MORC1: variants seen among roughly 807,000 people sequenced by gnomAD.
MORC1 encodes the protein MORC family CW-type zinc finger 1, also known as MORC family CW-type zinc finger protein 1.
MORC1 carries 59 observed loss-of-function variants against 134.9 expected under a neutral mutation model. The ratio of observed to expected loss-of-function variants is 0.44; its 90% confidence interval spans 0.35 to 0.54. The LOEUF is 0.54. Among genes scored for constraint, MORC1 ranks in the 20% least tolerant of loss-of-function variants. The pLI is 0.00. For synonymous variants in MORC1, 395 were observed against 391.7 expected, an observed-to-expected ratio of 1.01 and a Z score of -0.10; for missense variants, 947 against 1,134.5, an observed-to-expected ratio of 0.83 and a Z score of 2.37.
intron 26 of MORC1, among the ~76,000 whole-genome samples, chr3:108,967,551 A>G (rs1028968869): frequency 1.3e-5 from 2 of 152,172 alleles, no homozygotes; most frequent in Admixed American, 1.3e-4. Flanking sequence ...TCTCCTCAAT[A>G]TATGTCTCAT....
intron 20 of MORC1, among the ~76,000 whole-genome samples, chr3:109,001,254 T>C (rs1948398052): frequency 6.6e-6 from 1 of 152,168 alleles, no homozygotes; most frequent in Non-Finnish European, 1.5e-5. Flanking sequence ...TACCTCAGTC[T>C]CTAGAACAGC....
chr3:108,990,932 T>C (rs1268560625), intron 21 of MORC1, among the ~76,000 whole-genome samples: 1 of 150,038 alleles, frequency 6.7e-6, no homozygotes. Context: ...CTCTCTCAAC[T>C]GTATTATTTT....
chr3:109,016,684 G>A lies in MORC1; in HGVS notation c.1705-9593C>T, dbSNP rs542841989. The stretch of plus-strand genomic sequence containing the variant: ...TCAAGACCAGCCTGATCAACATGGT[G>A]AAACCCTGTCTCTACTAAAAAATAC... On this transcript the variant is annotated intron_variant, in intron 17 of 27. Coordinates refer to ENST00000232603, the MANE Select transcript of MORC1 (RefSeq NM_014429.4). 4.6e-5 allele frequency among the ~76,000 whole-genome samples: 7 copies of A among 152,198 alleles called. No homozygotes were observed. The East Asian group carries it at 1.2e-3, about 25-fold the overall frequency.
chr3:109,032,290 CT>C (rs1949258482), intron 16 of MORC1, among the ~76,000 whole-genome samples: 1 of 152,120 alleles, frequency 6.6e-6, no homozygotes, highest in Non-Finnish European at 1.5e-5. Flanking sequence ...TTAGTCTGAA[CT>C]TTTTCCTCCA....
chr3:109,041,517 G>A (rs1949547415), intron 14 of MORC1, among the ~76,000 whole-genome samples: 1 of 151,874 alleles, frequency 6.6e-6, no homozygotes, highest in African/African-American at 2.4e-5. Context: ...TTCAAGACCA[G>A]CCTGGCCAAC....
intron 14 of MORC1, among the ~76,000 whole-genome samples, chr3:109,049,736 G>A (rs2107656461): frequency 6.6e-6 from 1 of 152,222 alleles, no homozygotes; most frequent in East Asian, 1.9e-4. Context: ...GACACTGAGG[G>A]TCAATAATGT....
chr3:109,081,358 T>C (rs2107733915), intron 8 of MORC1, among the ~76,000 whole-genome samples: 1 of 151,566 alleles, frequency 6.6e-6, no homozygotes, highest in Middle Eastern at 3.5e-3. Flanking sequence ...CCAAAATTAA[T>C]ACCAGCAATA....
At position 109,093,512 on chromosome 3, in the gene MORC1, G is replaced by A. The variant is rs753089625; in HGVS notation, c.613C>T (p.Leu205Phe). 1 of 1,613,620 alleles carries A rather than the reference G, an allele frequency of 6.2e-7. No individual in the cohort carries two copies. The highest frequency in any genetic ancestry group is 1.3e-5 in the African/African-American group (1 of 75,012). ...AACTCTGGTTCTCCATTAAGCAGAA[G>A]CTTCAAGTTATAAATAACCAGCAAA... ...GTLLVIYNLK[L>F]LLNGEPELDV... is the part of the protein sequence containing the mutation. The change falls in exon 8 of 28, where the codon CTT becomes TTT. Residue 205 changes from leucine to phenylalanine, a missense_variant. Leu to Phe is a conservative substitution (Grantham distance 22). Around this residue, in one of 3 missense-constraint regions of MORC1, gnomAD observed 214 missense variants for 281.3 expected, o/e 0.76. Coordinates refer to ENST00000232603, the MANE Select transcript of MORC1 (RefSeq NM_014429.4).
rs183057221 is a variant in MORC1 at position 109,077,106 on chromosome 3, A to G, written c.690-7349T>C. ...CAACATGTATTCAAGAAGTCAAAGA[A>G]GCAAATAGTTCTAAGGGAAACTATT... is the stretch of plus-strand genomic sequence containing the variant. On this transcript the variant is annotated intron_variant, in intron 8 of 27. Coordinates refer to ENST00000232603, the MANE Select transcript of MORC1 (RefSeq NM_014429.4). Among the ~76,000 whole-genome samples, 413 of 152,340 alleles carry G rather than the reference A, an allele frequency of 2.7e-3. 1 individual carries two copies. Among genetic ancestry groups the G allele is most frequent in the African/African-American group, 9.4e-3 (390 of 41,576 alleles).
At chr3:109,046,187 T>C (rs1559917586) in intron 14 of MORC1, among the ~76,000 whole-genome samples, 1 of 152,204 alleles carries the variant, frequency 6.6e-6, no homozygotes, top group Non-Finnish European at 1.5e-5. Context: ...CTCCCTGGTA[T>C]ACTCTGAGAT....
At chr3:108,991,333 TGGAGGTG>T (rs1391556765) in intron 21 of MORC1, among the ~76,000 whole-genome samples, 6 of 152,294 alleles carry the variant, frequency 3.9e-5, no homozygotes, top group Admixed American at 1.3e-4. Context: ...GTGGTAGCTA[TGGAGGTG>T]GTAGAATATG....
chr3:109,021,932 C>T (rs1289988489), intron 17 of MORC1, among the ~76,000 whole-genome samples: 1 of 152,186 alleles, frequency 6.6e-6, no homozygotes, highest in Non-Finnish European at 1.5e-5. Flanking sequence ...AGGACTTGTA[C>T]ACTAGTTAAT....
intron 2 of MORC1, among the ~76,000 whole-genome samples, chr3:109,113,723 A>G (rs1303235471): frequency 1.3e-5 from 2 of 152,202 alleles, no homozygotes; most frequent in African/African-American, 2.4e-5. Context: ...ACTACTGAGC[A>G]GAACTTAAAC....
chr3:109,007,941 ATGTGTGTGTG>A (rs113629397), intron 17 of MORC1, among the ~76,000 whole-genome samples: 1 of 149,512 alleles, frequency 6.7e-6, no homozygotes, highest in Non-Finnish European at 1.5e-5. Flanking sequence ...GCACATATAT[ATGTGTGTGTG>A]TGTGTGTGTG....
chr3:109,117,331 C>CAAAAAAAAAAA (rs202128565), intron 1 of MORC1, among the ~76,000 whole-genome samples: 17 of 113,590 alleles, frequency 1.5e-4, no homozygotes, highest in African/African-American at 2.0e-4. Context: ...CAAAAGATGT[C>CAAAAAAAAAAA]AAAAAAAAAA....
intron 16 of MORC1, among the ~76,000 whole-genome samples, chr3:109,032,075 A>G (rs938049754): frequency 1.3e-5 from 2 of 152,094 alleles, no homozygotes; most frequent in African/African-American, 4.8e-5. Flanking sequence ...AGGAGTTATT[A>G]CCCTAATGTC....
chr3:108,988,120 T>A (rs934953910), intron 21 of MORC1, among the ~76,000 whole-genome samples: 1 of 152,044 alleles, frequency 6.6e-6, no homozygotes, highest in Non-Finnish European at 1.5e-5. Flanking sequence ...CTCTTTTTTT[T>A]CCCCTCCCAG....
chr3:109,004,681 TGA>T, intron 20 of MORC1, 134 bp downstream of exon 20: 1 of 829,086 alleles, frequency 1.2e-6, no homozygotes, highest in Non-Finnish European at 1.9e-6. Context: ...TTCAGAACCT[TGA>T]TTACAGGGTA....
intron 17 of MORC1, among the ~76,000 whole-genome samples, chr3:109,022,652 C>T (rs947455542): frequency 1.3e-5 from 2 of 152,174 alleles, no homozygotes; most frequent in African/African-American, 4.8e-5. Context: ...GGTATAAGAA[C>T]ATTTTGGTCT....
Sources: gnomAD v4.1 joint callset for allele counts (sites outside exome capture counted in the v4.1 genomes callset) on GRCh38, gnomAD v4.1.1 for gene constraint, gnomAD v4.1.1 regional missense constraint, MANE v1.5 for transcripts, NCBI Gene and HGNC (gene_info 2026-07-23, HGNC 2026-07-21) for gene names.